Variants in TBC1D9 observed in about 807,000 individuals in gnomAD.
The protein encoded by TBC1D9 is TBC1 domain family member 9.
TBC1D9 carries 63 observed loss-of-function variants against 132.0 expected under a neutral mutation model. That is an observed-to-expected ratio of 0.48 (90% CI 0.39 to 0.59). The LOEUF is 0.59. TBC1D9 is among the 20% of genes least tolerant of loss of function. The pLI is 0.00. For missense variants in TBC1D9, 1,261 were observed against 1,592.7 expected (o/e 0.79, Z 3.54); for synonymous variants, 610 against 609.9 (o/e 1.00, Z 0.00).
Position 140,679,894 on chromosome 4 carries a change from G to C in TBC1D9, c.361-51C>G. On this transcript the variant is annotated intron_variant, in intron 3 of 20. Transcript: ENST00000442267. ...CACAACTGGTATTAATATGACTAGAGATGTACATATTCCAGAAGAAAAAAT... is the reference window on the plus strand; with the variant it reads ...CACAACTGGTATTAATATGACTAGACATGTACATATTCCAGAAGAAAAAAT... 4.2e-6 allele frequency: 6 copies of C among 1,435,380 alleles called. No homozygotes were observed. In the South Asian group the frequency reaches 7.7e-5, roughly 18 times the overall value. The allele number at this position is 1,435,380 out of a possible 1,614,324, so 88.9% of individuals were successfully genotyped here.
At chr4:140,658,274 T>G (rs914696943) in intron 11 of TBC1D9, among the ~76,000 whole-genome samples, 1 of 152,194 alleles carries the variant, frequency 6.6e-6, no homozygotes, top group African/African-American at 2.4e-5. Flanking sequence ...AGAGCCTTAC[T>G]ACACACCTAG....
At chr4:140,654,330 G>C (rs1438255778) in intron 13 of TBC1D9, among the ~76,000 whole-genome samples, 1 of 152,152 alleles carries the variant, frequency 6.6e-6, no homozygotes, top group East Asian at 1.9e-4. Flanking sequence ...AAAGGGGAAG[G>C]GGGTGTCTGT....
intron 9 of TBC1D9, among the ~76,000 whole-genome samples, chr4:140,668,332 C>T (rs1737479891): frequency 6.6e-6 from 1 of 152,182 alleles, no homozygotes; most frequent in Non-Finnish European, 1.5e-5. Context: ...ATGGAAGTGT[C>T]CCCTTCTGTC....
At chr4:140,748,712 C>T (rs1029940298) in intron 1 of TBC1D9, among the ~76,000 whole-genome samples, 1 of 152,132 alleles carries the variant, frequency 6.6e-6, no homozygotes, top group Admixed American at 6.6e-5. Context: ...CAAAAATATC[C>T]TTCAAGAAAG....
rs76629618 is a variant in TBC1D9, at chr4:140,751,641, C to T, written c.130+4275G>A. 8.4e-3 allele frequency among the ~76,000 whole-genome samples: 1,273 copies of T among 152,232 alleles called. 22 individuals are homozygous for T. Among genetic ancestry groups the T allele is most frequent in the African/African-American group, 0.029 (1,190 of 41,544 alleles). On this transcript the variant is annotated intron_variant, in intron 1 of 20. Coordinates refer to ENST00000442267, the MANE Select transcript of TBC1D9 (RefSeq NM_015130.3). ...TAAAAATTAAGAATCTCTGTTCATT[C>T]TTTACAGAGTAAATAGGTAAGGAAC... is the stretch of plus-strand genomic sequence containing the variant.
At chr4:140,717,203 A>T (rs998774657) in intron 1 of TBC1D9, among the ~76,000 whole-genome samples, 1 of 152,196 alleles carries the variant, frequency 6.6e-6, no homozygotes, top group Non-Finnish European at 1.5e-5. Flanking sequence ...GAGAATCAAC[A>T]TATGTTACCT....
intron 13 of TBC1D9, among the ~76,000 whole-genome samples, chr4:140,647,915 A>C (rs1013426759): frequency 6.6e-6 from 1 of 151,644 alleles, no homozygotes; most frequent in African/African-American, 2.4e-5. Flanking sequence ...CCCTCCCCCG[A>C]CTTTGGGGGG....
intron 13 of TBC1D9, among the ~76,000 whole-genome samples, chr4:140,648,514 T>C (rs1046478207): frequency 1.3e-5 from 2 of 151,580 alleles, no homozygotes; most frequent in Non-Finnish European, 2.9e-5. Context: ...GCCTCCCAAG[T>C]AGCTGGGACT....
rs868832135 is a variant in TBC1D9 at position 140,650,675 on chromosome 4, G to A, written c.2337+6422C>T. ...AGCCTCCCGAGTAGCTGGGATTACA[G>A]GCGCCCATCACCATGCCTGGCTGAT... On this transcript the variant is annotated intron_variant, in intron 13 of 20. Transcript: ENST00000442267. Among the ~76,000 whole-genome samples, 4 of 152,138 alleles carry A rather than the reference G, an allele frequency of 2.6e-5. No homozygotes were observed. The South Asian group carries it at 8.3e-4, about 32-fold the overall frequency.
intron 13 of TBC1D9, chr4:140,644,598 C>T (rs779870441): frequency 6.3e-5 from 22 of 346,638 alleles, no homozygotes; most frequent in Non-Finnish European, 1.1e-4. Flanking sequence ...TCCATCTCTG[C>T]CTGGTACTCC....
At chr4:140,644,746 AG>A in intron 13 of TBC1D9, 1 of 402,492 alleles carries the variant, frequency 2.5e-6, no homozygotes, top group South Asian at 2.0e-5. Flanking sequence ...GGCCTGGTGC[AG>A]GGGGCTGCAG....
intron 2 of TBC1D9, among the ~76,000 whole-genome samples, chr4:140,697,151 C>T (rs1235285277): frequency 2.0e-5 from 3 of 151,982 alleles, no homozygotes; most frequent in Non-Finnish European, 2.9e-5. Context: ...CTGAGGCAGG[C>T]GGATGGCTTG....
At chr4:140,722,298 G>A in intron 1 of TBC1D9, among the ~76,000 whole-genome samples, 1 of 152,288 alleles carries the variant, frequency 6.6e-6, no homozygotes, top group Middle Eastern at 3.4e-3. Flanking sequence ...ATAAAGAGAA[G>A]CAGCAATGTA....
intron 1 of TBC1D9, chr4:140,716,127 G>T (rs549912416): frequency 6.6e-6 from 1 of 152,128 alleles, no homozygotes; most frequent in Admixed American, 6.5e-5. Flanking sequence ...AATATATTAG[G>T]CCCAACTGAA....
At position 140,756,082 on chromosome 4, in the gene TBC1D9, G is replaced by T; in HGVS notation, c.-37C>A. The T allele has an allele frequency of 6.3e-7, 1 of 1,583,750 alleles. No homozygotes were observed. Among genetic ancestry groups the T allele is most frequent in the Non-Finnish European group, 8.6e-7 (1 of 1,161,282 alleles). The stretch of plus-strand genomic sequence containing the variant: ...CCGCGGGCGGGCGCACAATGGGCCC[G>T]TGGGTCCAGTCCTGCACCCACCACC... On this transcript the variant is annotated 5_prime_UTR_variant, in exon 1 of 21. Transcript: ENST00000442267. The surrounding 1 kb of genome is among the most constrained non-coding windows in gnomAD (Gnocchi z 5.6).
intron 15 of TBC1D9, among the ~76,000 whole-genome samples, chr4:140,637,382 A>T (rs141645166): frequency 4.6e-5 from 7 of 151,014 alleles, no homozygotes; most frequent in Non-Finnish European, 7.4e-5. Context: ...ATGTGATTTC[A>T]ATGACTACCA....
At chr4:140,684,711 C>T (rs1737754386) in intron 3 of TBC1D9, among the ~76,000 whole-genome samples, 1 of 151,288 alleles carries the variant, frequency 6.6e-6, no homozygotes, top group Admixed American at 6.6e-5. Context: ...AATCATGGCT[C>T]ATTGCAGTCT....
intron 1 of TBC1D9, among the ~76,000 whole-genome samples, chr4:140,708,302 G>A (rs999972236): frequency 1.3e-5 from 2 of 152,182 alleles, no homozygotes; most frequent in Admixed American, 1.3e-4. Flanking sequence ...AGACTGTGAG[G>A]TAATAATGCA....
At chr4:140,719,690 T>G (rs1254898653) in intron 1 of TBC1D9, among the ~76,000 whole-genome samples, 1 of 152,184 alleles carries the variant, frequency 6.6e-6, no homozygotes, top group Non-Finnish European at 1.5e-5. Context: ...GAGAATAGGA[T>G]CTGGCTGCGA....
Sources: allele counts gnomAD v4.1 joint callset (sites outside exome capture counted in the v4.1 genomes callset), GRCh38; gene constraint gnomAD v4.1.1; non-coding constraint Gnocchi (gnomAD v3.1); transcripts MANE v1.5; gene names NCBI Gene and HGNC (gene_info 2026-07-23, HGNC 2026-07-21).